CDYL2: variants seen among roughly 807,000 people sequenced by gnomAD.
The protein encoded by CDYL2 is chromodomain Y like 2.
In CDYL2, 23 loss-of-function variants were observed where a neutral mutation model predicts 49.4. The observed-to-expected ratio is 0.47, with a 90% CI of 0.34 to 0.66. The LOEUF is 0.66. Among genes scored for constraint, CDYL2 ranks in the 30% least tolerant of loss-of-function variants. CDYL2 has a pLI of 0.01. For synonymous variants in CDYL2, 360 were observed against 268.8 expected, an observed-to-expected ratio of 1.34 and a Z score of -3.32; for missense variants, 678 against 656.4, an observed-to-expected ratio of 1.03 and a Z score of -0.36.
chr16:80,700,029 G>A (rs1353027474), intron 1 of CDYL2, among the ~76,000 whole-genome samples: 2 of 152,128 alleles, frequency 1.3e-5, no homozygotes, highest in Non-Finnish European at 2.9e-5. Flanking sequence ...AACCACGCCT[G>A]GCTGATTTTT....
rs1227270751 is a variant in CDYL2, at chr16:80,637,175, ATATG to A, written c.617-3943_617-3940del. 5.3e-5 allele frequency among the ~76,000 whole-genome samples: 8 copies of A among 152,022 alleles called. No homozygotes were observed. In the East Asian group the frequency reaches 1.5e-3, roughly 29 times the overall value. ...TATGTAACAAACCTGCACGTTCTGTATATGTATACATTTAAAAAAAAATCTTTTA... is the reference window on the plus strand; with the variant it reads ...TATGTAACAAACCTGCACGTTCTGTATATACATTTAAAAAAAAATCTTTTA... On this transcript the variant is annotated intron_variant, in intron 2 of 6. Transcript: ENST00000570137.
chr16:80,637,193 A>C (rs1412106331), intron 2 of CDYL2, among the ~76,000 whole-genome samples: 3 of 148,300 alleles, frequency 2.0e-5, no homozygotes, highest in African/African-American at 7.6e-5. Flanking sequence ...ACATTTAAAA[A>C]AAAATCTTTT....
intron 2 of CDYL2, among the ~76,000 whole-genome samples, chr16:80,646,959 T>C (rs1437993249): frequency 6.7e-6 from 1 of 150,178 alleles, no homozygotes; most frequent in African/African-American, 2.4e-5. Context: ...CCAGTAGCTA[T>C]ACTGATGTCA....
intron 1 of CDYL2, among the ~76,000 whole-genome samples, chr16:80,702,678 A>T (rs540447078): frequency 6.6e-6 from 1 of 152,276 alleles, no homozygotes; most frequent in South Asian, 2.1e-4. Flanking sequence ...TGAGCCCAGG[A>T]AGGCAAGGTT....
intron 6 of CDYL2, among the ~76,000 whole-genome samples, chr16:80,606,167 A>T (rs1049230652): frequency 2.6e-5 from 4 of 152,228 alleles, no homozygotes; most frequent in African/African-American, 9.6e-5. Flanking sequence ...TAGAGGCTGC[A>T]GGTGGTGGGA....
At chr16:80,788,153 T>C (rs916749660) in intron 1 of CDYL2, among the ~76,000 whole-genome samples, 2 of 152,082 alleles carry the variant, frequency 1.3e-5, no homozygotes, top group Non-Finnish European at 1.5e-5. Flanking sequence ...AAGGACAAAA[T>C]TAGACTGACC....
In CDYL2 at chr16:80,677,717, C is replaced by T. The variant is rs962808247; in HGVS notation, c.616+6821G>A. Among the ~76,000 whole-genome samples the T allele has an allele frequency of 4.9e-4, 73 of 150,202 alleles. 1 individual carries two copies. Among genetic ancestry groups the T allele is most frequent in the Admixed American group, 2.5e-3 (37 of 15,064 alleles). ...TTGCACCACTGCACTCCAGCCTGGGCGACAGAGCGAGACTCCATCTCAAAA... is the reference window on the plus strand; with the variant it reads ...TTGCACCACTGCACTCCAGCCTGGGTGACAGAGCGAGACTCCATCTCAAAA... On this transcript the variant is annotated intron_variant, in intron 2 of 6. Transcript: ENST00000570137.
intron 2 of CDYL2, among the ~76,000 whole-genome samples, chr16:80,640,080 A>G (rs1908014789): frequency 6.6e-6 from 1 of 152,112 alleles, no homozygotes; most frequent in Admixed American, 6.5e-5. Context: ...TAGTCCCGCA[A>G]TGGGCCCAGA....
At chr16:80,645,680 G>C (rs914731289) in intron 2 of CDYL2, among the ~76,000 whole-genome samples, 1 of 152,088 alleles carries the variant, frequency 6.6e-6, no homozygotes, top group Non-Finnish European at 1.5e-5. Flanking sequence ...AAAGACACAT[G>C]CACACGTATG....
chr16:80,781,324 C>T (rs1213518056), intron 1 of CDYL2, among the ~76,000 whole-genome samples: 6 of 152,050 alleles, frequency 3.9e-5, no homozygotes, highest in Non-Finnish European at 8.8e-5. Context: ...TTGTTCAATC[C>T]ATCAAGAAGA....
chr16:80,698,493 A>G (rs1339255576), intron 1 of CDYL2, among the ~76,000 whole-genome samples: 1 of 152,212 alleles, frequency 6.6e-6, no homozygotes, highest in Non-Finnish European at 1.5e-5. Flanking sequence ...GCCAATAAGC[A>G]TATGTGATAC....
intron 1 of CDYL2, among the ~76,000 whole-genome samples, chr16:80,703,005 G>T (rs973055704): frequency 1.3e-5 from 2 of 152,090 alleles, no homozygotes; most frequent in African/African-American, 4.8e-5. Context: ...GTTTATTAGA[G>T]TATTAGCTCA....
At chr16:80,769,346 C>A (rs540975397) in intron 1 of CDYL2, among the ~76,000 whole-genome samples, 16 of 152,330 alleles carry the variant, frequency 1.1e-4, no homozygotes, top group African/African-American at 3.8e-4. Flanking sequence ...TGAAAGCCAA[C>A]ATCTATTGAG....
chr16:80,802,529 C>T (rs1907957341), intron 1 of CDYL2, among the ~76,000 whole-genome samples: 1 of 152,218 alleles, frequency 6.6e-6, no homozygotes, highest in Admixed American at 6.5e-5. Flanking sequence ...TGCCGAAGTT[C>T]TTCACAAGAT....
At chr16:80,793,037 C>T (rs1907659107) in intron 1 of CDYL2, among the ~76,000 whole-genome samples, 1 of 152,196 alleles carries the variant, frequency 6.6e-6, no homozygotes, top group Non-Finnish European at 1.5e-5. Flanking sequence ...TCTGTCCTAG[C>T]CTGCTTTCCA....
At chr16:80,721,093 C>T (rs1008836517) in intron 1 of CDYL2, among the ~76,000 whole-genome samples, 10 of 152,150 alleles carry the variant, frequency 6.6e-5, no homozygotes, top group Non-Finnish European at 1.2e-4. Flanking sequence ...TAGGGGCTTC[C>T]TTCTCAGTGC....
At chr16:80,744,367 C>T (rs1261777576) in intron 1 of CDYL2, among the ~76,000 whole-genome samples, 1 of 152,142 alleles carries the variant, frequency 6.6e-6, no homozygotes, top group East Asian at 1.9e-4. Context: ...AGATTTCTTT[C>T]CCCTTCACAC....
At chr16:80,670,270 G>A (rs541935500) in intron 2 of CDYL2, among the ~76,000 whole-genome samples, 1 of 142,444 alleles carries the variant, frequency 7.0e-6, no homozygotes, top group South Asian at 2.4e-4. Flanking sequence ...GAGGGACCCA[G>A]TGGGAGTTGA....
chr16:80,678,892 G>A (rs1334678556), intron 2 of CDYL2, among the ~76,000 whole-genome samples: 2 of 151,214 alleles, frequency 1.3e-5, no homozygotes, highest in Non-Finnish European at 2.9e-5. Flanking sequence ...ATTGGATTAA[G>A]AAAATGTGGC....
Sources: gnomAD v4.1 joint callset for allele counts (sites outside exome capture counted in the v4.1 genomes callset) on GRCh38, gnomAD v4.1.1 for gene constraint, MANE v1.5 for transcripts, NCBI Gene and HGNC (gene_info 2026-07-23, HGNC 2026-07-21) for gene names.